The following SUGCT variants were observed in gnomAD, a reference collection of about 807,000 sequenced individuals.
SUGCT encodes the protein succinyl-CoA:glutarate CoA-transferase.
In SUGCT, 41 loss-of-function variants were observed where a neutral mutation model predicts 55.0. The observed-to-expected ratio is 0.74, with a 90% CI of 0.58 to 0.97. The LOEUF (loss-of-function observed/expected upper bound fraction) is 0.97. SUGCT is among the 50% of genes least tolerant of loss of function. The pLI, the probability that SUGCT is intolerant of heterozygous loss-of-function variation, is 0.00. For missense variants in SUGCT, 568 were observed against 547.8 expected, an observed-to-expected ratio of 1.04 and a Z score of -0.37; for synonymous variants, 187 against 200.4, an observed-to-expected ratio of 0.93 and a Z score of 0.56.
At chr7:40,689,517 G>A (rs563483540) in intron 12 of SUGCT, among the ~76,000 whole-genome samples, 71 of 152,170 alleles carry the variant, frequency 4.7e-4, no homozygotes, top group Middle Eastern at 3.4e-3. Flanking sequence ...TCAGACAGAG[G>A]CTTTCTACTC....
intron 9 of SUGCT, among the ~76,000 whole-genome samples, chr7:40,421,458 G>A (rs548325718): frequency 2.4e-4 from 37 of 152,202 alleles, no homozygotes; most frequent in South Asian, 4.2e-4. Context: ...CATAATCCAA[G>A]CTCAGCATCC....
At chr7:40,649,514 C>T (rs978337906) in intron 12 of SUGCT, among the ~76,000 whole-genome samples, 1 of 152,104 alleles carries the variant, frequency 6.6e-6, no homozygotes, top group Non-Finnish European at 1.5e-5. Flanking sequence ...TCTAAATAAA[C>T]TCTGGGGTGG....
the SUGCT span, among the ~76,000 whole-genome samples, chr7:41,026,042 A>T: frequency 6.6e-6 from 1 of 152,274 alleles, no homozygotes; most frequent in Non-Finnish European, 1.5e-5. Context: ...TGAGTTGAAC[A>T]GTCTCACGGG....
the SUGCT span, among the ~76,000 whole-genome samples, chr7:40,981,492 T>A: frequency 9.2e-5 from 14 of 152,254 alleles, no homozygotes; most frequent in Non-Finnish European, 1.6e-4. Flanking sequence ...ATCCATACTC[T>A]TAGTGTTCTT....
chr7:40,583,857 A>C (rs920852300), intron 12 of SUGCT, among the ~76,000 whole-genome samples: 2 of 152,228 alleles, frequency 1.3e-5, no homozygotes, highest in African/African-American at 4.8e-5. Flanking sequence ...TATGTAACCC[A>C]GTTCAGGATC....
At chr7:40,258,656 C>T (rs771494731) in intron 7 of SUGCT, among the ~76,000 whole-genome samples, 7 of 152,190 alleles carry the variant, frequency 4.6e-5, no homozygotes, top group Non-Finnish European at 7.3e-5. Flanking sequence ...GGATTATAGG[C>T]GTGAGCCACC....
chr7:40,841,745 C>T (rs1205452540), intron 13 of SUGCT, among the ~76,000 whole-genome samples: 1 of 152,196 alleles, frequency 6.6e-6, no homozygotes, highest in East Asian at 1.9e-4. Context: ...TGTCTTCCCA[C>T]TCAGCATGGG....
intron 13 of SUGCT, among the ~76,000 whole-genome samples, chr7:40,842,175 T>G (rs1793312290): frequency 1.3e-5 from 2 of 152,046 alleles, no homozygotes; most frequent in Non-Finnish European, 2.9e-5. Context: ...ATTATTATTA[T>G]TATTATATGA....
chr7:40,291,702 A>G (rs1056936344), intron 8 of SUGCT, among the ~76,000 whole-genome samples: 1 of 151,902 alleles, frequency 6.6e-6, no homozygotes, highest in Non-Finnish European at 1.5e-5. Flanking sequence ...AGTTATGTGA[A>G]TGTGGTCTGT....
intron 1 of SUGCT, among the ~76,000 whole-genome samples, chr7:40,141,654 A>AG (rs1787988820): frequency 6.7e-6 from 1 of 150,324 alleles, no homozygotes; most frequent in African/African-American, 2.5e-5. Flanking sequence ...AAAAAAAAAA[A>AG]GTGTGCTTCT....
intron 13 of SUGCT, among the ~76,000 whole-genome samples, chr7:40,840,978 T>G (rs1474753780): frequency 6.6e-6 from 1 of 152,124 alleles, no homozygotes; most frequent in Admixed American, 6.5e-5. Flanking sequence ...AATAGTCACT[T>G]TCCTCACATA....
chr7:40,672,081 G>A (rs979264400), intron 12 of SUGCT, among the ~76,000 whole-genome samples: 2 of 152,158 alleles, frequency 1.3e-5, no homozygotes, highest in Non-Finnish European at 2.9e-5. Context: ...ATTCAGTAGG[G>A]AGAGAGAACC....
chr7:40,889,845 T>C, the SUGCT span, among the ~76,000 whole-genome samples: 1 of 152,186 alleles, frequency 6.6e-6, no homozygotes, highest in Non-Finnish European at 1.5e-5. Context: ...GTTCAAAGAC[T>C]AAGTCTCATG....
intron 13 of SUGCT, among the ~76,000 whole-genome samples, chr7:40,847,412 T>C (rs1035736300): frequency 8.0e-5 from 4 of 50,212 alleles, no homozygotes; most frequent in African/African-American, 2.7e-4. Context: ...TCTTTCTTTC[T>C]TTTTTTTTTT....
At chr7:40,572,504 G>A (rs995019907) in intron 12 of SUGCT, among the ~76,000 whole-genome samples, 6 of 152,052 alleles carry the variant, frequency 3.9e-5, no homozygotes, top group South Asian at 2.1e-4. Context: ...GAGCACGTGC[G>A]GTGTGATATA....
intron 7 of SUGCT, among the ~76,000 whole-genome samples, chr7:40,239,805 T>C (rs1404226701): frequency 2.0e-5 from 3 of 152,252 alleles, no homozygotes; most frequent in African/African-American, 7.2e-5. Context: ...TTGCTTTATA[T>C]ACTTTCCATG....
the SUGCT span, among the ~76,000 whole-genome samples, chr7:41,030,101 TATTGTTGATTAATACACC>T: frequency 2.0e-5 from 3 of 152,260 alleles, no homozygotes; most frequent in Admixed American, 6.5e-5. Flanking sequence ...TCACTTGTTT[TATTGTTGATTAATACACC>T]ATTGTATACA....
rs75475300 is a variant in SUGCT, at chr7:40,709,559, G to A, written c.1090-39875G>A. The stretch of plus-strand genomic sequence containing the variant: ...TGTCATTGCCAACCCAGGGTTGTGG[G>A]TAGGTGGCTTCCCAGGCATCTCTCC... On this transcript the variant is annotated intron_variant, in intron 12 of 13. Transcript: ENST00000335693. Among the ~76,000 whole-genome samples, 125 of 152,328 alleles carry A rather than the reference G, an allele frequency of 8.2e-4. No homozygotes were observed. In the East Asian group the frequency reaches 0.011, roughly 13 times the overall value.
intron 12 of SUGCT, among the ~76,000 whole-genome samples, chr7:40,569,657 G>C (rs548091861): frequency 2.0e-5 from 3 of 151,992 alleles, no homozygotes. Flanking sequence ...ACAAATGTGG[G>C]TTTACATTTC....
Sources: allele counts gnomAD v4.1 joint callset (sites outside exome capture counted in the v4.1 genomes callset), GRCh38; gene constraint gnomAD v4.1.1; transcripts MANE v1.5; gene names NCBI Gene and HGNC (gene_info 2026-07-23, HGNC 2026-07-21).